The following KIAA1328 variants were observed in gnomAD, a reference collection of about 807,000 sequenced individuals.
The protein encoded by KIAA1328 is protein hinderin.
Under a neutral mutation model 68.1 loss-of-function variants are expected in KIAA1328, and 52 were observed. The observed-to-expected ratio is 0.76, with a 90% CI of 0.61 to 0.96. KIAA1328 has a LOEUF of 0.96. Among genes scored for constraint, KIAA1328 ranks in the 40% least tolerant of loss-of-function variants. The probability of loss-of-function intolerance (pLI) is 0.00; values close to 1 mark genes in which losing one functional copy is unlikely to be tolerated. For missense variants in KIAA1328, 641 were observed against 677.6 expected, an observed-to-expected ratio of 0.95 and a Z score of 0.60; for synonymous variants, 232 against 239.4, an observed-to-expected ratio of 0.97 and a Z score of 0.28.
chr18:36,842,889 A>G (rs1481627364), intron 3 of KIAA1328, among the ~76,000 whole-genome samples: 1 of 152,048 alleles, frequency 6.6e-6, no homozygotes, highest in Non-Finnish European at 1.5e-5. Flanking sequence ...CTACAATGTT[A>G]TATGCTTCTG....
At chr18:37,012,920 G>A (rs1598969683) in intron 6 of KIAA1328, among the ~76,000 whole-genome samples, 1 of 151,612 alleles carries the variant, frequency 6.6e-6, no homozygotes, top group Admixed American at 6.6e-5. Flanking sequence ...TCCCTTTTTG[G>A]GACAGCATGG....
At chr18:37,217,856 T>C (rs2060477029) in intron 9 of KIAA1328, among the ~76,000 whole-genome samples, 1 of 152,232 alleles carries the variant, frequency 6.6e-6, no homozygotes, top group Non-Finnish European at 1.5e-5. Context: ...TCTTGGAGGC[T>C]TTGTTCGTTT....
At chr18:36,928,369 G>T (rs996467697) in intron 5 of KIAA1328, among the ~76,000 whole-genome samples, 1 of 152,156 alleles carries the variant, frequency 6.6e-6, no homozygotes, top group Non-Finnish European at 1.5e-5. Context: ...TTCTAACTCT[G>T]TGATCCTGAG....
At chr18:36,923,382 T>C (rs1438853568) in intron 5 of KIAA1328, among the ~76,000 whole-genome samples, 1 of 152,104 alleles carries the variant, frequency 6.6e-6, no homozygotes, top group Non-Finnish European at 1.5e-5. Flanking sequence ...TTTGAGAAGA[T>C]AATAACATTG....
intron 4 of KIAA1328, among the ~76,000 whole-genome samples, chr18:36,858,897 C>T (rs944989392): frequency 1.3e-5 from 2 of 152,214 alleles, no homozygotes; most frequent in African/African-American, 4.8e-5. Flanking sequence ...CCTTTTCTTA[C>T]ACTTAAATCT....
intron 4 of KIAA1328, among the ~76,000 whole-genome samples, chr18:36,872,170 G>A (rs1282594354): frequency 6.6e-6 from 1 of 152,100 alleles, no homozygotes; most frequent in African/African-American, 2.4e-5. Context: ...CTGGGTCCAG[G>A]TGGTGAGGAG....
At chr18:37,114,677 G>C (rs1431972297) in intron 7 of KIAA1328, among the ~76,000 whole-genome samples, 1 of 152,160 alleles carries the variant, frequency 6.6e-6, no homozygotes, top group Admixed American at 6.6e-5. Flanking sequence ...AACTGAAGGA[G>C]ACAGAGACAC....
Position 37,048,803 on chromosome 18 carries a change from A to C in KIAA1328, c.577-18087A>C, listed in dbSNP as rs187320822. On this transcript the variant is annotated intron_variant, in intron 6 of 9. Coordinates refer to ENST00000280020, the MANE Select transcript of KIAA1328 (RefSeq NM_020776.3). ...TTATAAACTGTGAGTGGCTGCTGGA[A>C]TACACTAAATACATTTTAAGATAAG... Among the ~76,000 whole-genome samples the C allele has an allele frequency of 5.2e-4, 79 of 152,294 alleles. 1 individual carries two copies. The South Asian group carries it at 7.0e-3, about 14-fold the overall frequency.
intron 5 of KIAA1328, among the ~76,000 whole-genome samples, chr18:36,925,711 AT>A (rs979360322): frequency 4.7e-5 from 7 of 148,138 alleles, no homozygotes; most frequent in Admixed American, 6.8e-5. Context: ...CCAATTTTTA[AT>A]TTTTTTTTTA....
At chr18:37,084,805 T>C (rs2057054248) in intron 7 of KIAA1328, among the ~76,000 whole-genome samples, 1 of 152,222 alleles carries the variant, frequency 6.6e-6, no homozygotes, top group Non-Finnish European at 1.5e-5. Flanking sequence ...AAAGTATATA[T>C]GAATCTTTTT....
chr18:36,869,815 G>A (rs1467348883), intron 4 of KIAA1328, among the ~76,000 whole-genome samples: 3 of 152,096 alleles, frequency 2.0e-5, no homozygotes, highest in Non-Finnish European at 4.4e-5. Flanking sequence ...TTGAATTTAG[G>A]ACATTTGAGA....
chr18:36,939,330 A>ATTTTATT (rs1207904136), intron 5 of KIAA1328, among the ~76,000 whole-genome samples: 1 of 151,998 alleles, frequency 6.6e-6, no homozygotes, highest in Non-Finnish European at 1.5e-5. Flanking sequence ...ATTCCTAAGT[A>ATTTTATT]TTTTATTTTT....
chr18:36,879,148 A>G (rs980912757), intron 4 of KIAA1328, among the ~76,000 whole-genome samples: 1 of 149,542 alleles, frequency 6.7e-6, no homozygotes, highest in South Asian at 2.1e-4. Flanking sequence ...CCTCATCTTC[A>G]TGGATTTATC....
At chr18:36,921,933 A>G (rs996626777) in intron 5 of KIAA1328, among the ~76,000 whole-genome samples, 1 of 146,300 alleles carries the variant, frequency 6.8e-6, no homozygotes, top group Non-Finnish European at 1.5e-5. Context: ...TTTTGAAAAT[A>G]TTTTTTTTTT....
chr18:37,191,924 C>T (rs1482287050), intron 9 of KIAA1328, among the ~76,000 whole-genome samples: 1 of 152,148 alleles, frequency 6.6e-6, no homozygotes. Context: ...TTCCTTGTGA[C>T]CAGAGGGCAG....
At chr18:37,026,492 G>A (rs139687855) in intron 6 of KIAA1328, among the ~76,000 whole-genome samples, 90,646 of 151,990 alleles carry the variant, frequency 0.6, 28,871 homozygotes, top group East Asian at 0.87. Flanking sequence ...CTGGCAAACC[G>A]AATCCAGCAG....
rs373001161 is a variant in KIAA1328, at chr18:36,913,521, C to CACACACT, written c.448+27851_448+27852insACACTAC. Among the ~76,000 whole-genome samples, 599 of 92,864 alleles carry CACACACT rather than the reference C, an allele frequency of 6.5e-3. 13 individuals carry two copies. Among genetic ancestry groups the CACACACT allele is most frequent in the South Asian group, 0.012 (25 of 2,138 alleles). The allele number at this position is 92,864 out of a possible 152,430, so 60.9% of individuals were successfully genotyped here. A position where few individuals can be genotyped will look rare whatever the true frequency, so the allele number is the denominator to read the frequency against. ...ACACACACACACACACACACACACA[C>CACACACT]ACTTAGAGGAAAGCAACTGCCTACA... On this transcript the variant is annotated intron_variant, in intron 5 of 9. Coordinates refer to ENST00000280020, the MANE Select transcript of KIAA1328 (RefSeq NM_020776.3).
rs551031336 is a variant in KIAA1328 at position 37,103,089 on chromosome 18, A to C, written c.1232+35544A>C. On this transcript the variant is annotated intron_variant, in intron 7 of 9. Transcript: ENST00000280020. Reference sequence around the variant, plus strand: ...GCTCACGGATTGGAAGAATATTGTTAAAATGACTCCACTATTCAGAGCAAT... The same window carrying C: ...GCTCACGGATTGGAAGAATATTGTTCAAATGACTCCACTATTCAGAGCAAT... Among the ~76,000 whole-genome samples the C allele has an allele frequency of 3.9e-5, 6 of 152,336 alleles. 1 individual carries two copies. The South Asian group carries it at 8.3e-4, about 21-fold the overall frequency.
chr18:37,223,041 T>C lies in KIAA1328; in HGVS notation c.*814T>C. 7.1e-6 allele frequency: 7 copies of C among 981,142 alleles called. No individual in the cohort carries two copies. The highest frequency in any genetic ancestry group is 8.4e-6 in the Non-Finnish European group (7 of 828,490). The allele number at this position is 981,142 out of a possible 1,614,324, so 60.8% of individuals were successfully genotyped here. On this transcript the variant is annotated 3_prime_UTR_variant, in exon 10 of 10. Transcript: ENST00000280020. ...ATTTTTATTTACCCAAGTGTTCAGC[T>C]TATTCACCCCACCCCCCCACCCCCC...
Sources: gnomAD v4.1 joint callset for allele counts (sites outside exome capture counted in the v4.1 genomes callset) on GRCh38, gnomAD v4.1.1 for gene constraint, MANE v1.5 for transcripts, NCBI Gene and HGNC (gene_info 2026-07-23, HGNC 2026-07-21) for gene names.